The following TTC8 variants were observed in gnomAD, a reference collection of about 807,000 sequenced individuals.
TTC8 encodes tetratricopeptide repeat domain 8.
Under a neutral mutation model 72.5 loss-of-function variants are expected in TTC8, and 47 were observed. The ratio of observed to expected loss-of-function variants is 0.65; its 90% CI spans 0.51 to 0.83. The LOEUF is 0.83. Ranked by LOEUF, TTC8 falls within the 40% of genes least tolerant of loss-of-function variation. The probability of loss-of-function intolerance (pLI) is 0.00; values close to 1 mark genes in which losing one functional copy is unlikely to be tolerated. For missense variants in TTC8, 611 were observed against 623.2 expected, an observed-to-expected ratio of 0.98 and a Z score of 0.21; for synonymous variants, 199 against 221.4, an observed-to-expected ratio of 0.90 and a Z score of 0.90.
chr14:88,872,523 T>A (rs2094939042), intron 13 of TTC8, 71 bp downstream of exon 13: 11 of 1,597,772 alleles, frequency 6.9e-6, no homozygotes, highest in Non-Finnish European at 1.7e-6. Context: ...TGTGGTAGCA[T>A]TACAGCGTAT....
At chr14:88,870,942 C>T (rs778392053) in intron 11 of TTC8, among the ~76,000 whole-genome samples, 45 of 152,284 alleles carry the variant, frequency 3.0e-4, no homozygotes, top group Non-Finnish European at 2.6e-4. Context: ...TTTTCATTTG[C>T]TCATATGAAC....
At chr14:88,845,315 A>G (rs544019167) in intron 7 of TTC8, among the ~76,000 whole-genome samples, 1 of 152,310 alleles carries the variant, frequency 6.6e-6, no homozygotes, top group African/African-American at 2.4e-5. Flanking sequence ...ATTGGCAGAA[A>G]TGGGATAATT....
chr14:88,840,690 A>G, intron 3 of TTC8, 175 bp from the exon 4 acceptor site: 1 of 672,670 alleles, frequency 1.5e-6, no homozygotes, highest in Non-Finnish European at 2.7e-6. Flanking sequence ...TGATGACATA[A>G]GTAACATGAT....
intron 7 of TTC8, among the ~76,000 whole-genome samples, chr14:88,847,693 G>A (rs1304472760): frequency 1.1e-4 from 17 of 152,046 alleles, no homozygotes; most frequent in Admixed American, 1.1e-3. Flanking sequence ...CAATCACAAA[G>A]GAAAAAGACT....
At chr14:88,866,811 T>G (rs1271840504) in intron 10 of TTC8, among the ~76,000 whole-genome samples, 2 of 151,994 alleles carry the variant, frequency 1.3e-5, no homozygotes, top group African/African-American at 4.8e-5. Flanking sequence ...AGCCTCCAGC[T>G]CTCCTGTGTC....
At chr14:88,859,336 A>G (rs2094872683) in intron 9 of TTC8, among the ~76,000 whole-genome samples, 1 of 152,200 alleles carries the variant, frequency 6.6e-6, no homozygotes, top group African/African-American at 2.4e-5. Context: ...CTATACAGCC[A>G]TAAAAAAGAA....
At chr14:88,846,236 G>A (rs998942858) in intron 7 of TTC8, among the ~76,000 whole-genome samples, 3 of 152,064 alleles carry the variant, frequency 2.0e-5, no homozygotes, top group Admixed American at 6.6e-5. Context: ...TACTCTGGGA[G>A]GATCACCTGA....
At chr14:88,862,801 C>T (rs1286851486) in intron 10 of TTC8, among the ~76,000 whole-genome samples, 1 of 149,964 alleles carries the variant, frequency 6.7e-6, no homozygotes, top group East Asian at 2.0e-4. Context: ...AGGCTGGTCT[C>T]GAACTTCTGG....
Position 88,877,753 on chromosome 14 carries a change from A to G in TTC8, c.*343A>G, listed in dbSNP as rs2094963126. The G allele has an allele frequency of 5.2e-6, 1 of 191,468 alleles. No homozygotes were observed. Among genetic ancestry groups the G allele is most frequent in the East Asian group, 1.4e-4 (1 of 7,076 alleles). 11.9% of individuals were successfully genotyped at this position (191,468 alleles called of 1,614,324 possible). Reference sequence around the variant, plus strand: ...TAAATGTACATTTTTTAAGTCCTTAAGCTGACTCTTAGCCATCATGTAGCT... The same window carrying G: ...TAAATGTACATTTTTTAAGTCCTTAGGCTGACTCTTAGCCATCATGTAGCT... On this transcript the variant is annotated 3_prime_UTR_variant, in exon 15 of 15. Transcript: ENST00000380656.
chr14:88,854,329 T>C (rs975349368), intron 8 of TTC8, among the ~76,000 whole-genome samples: 1 of 152,222 alleles, frequency 6.6e-6, no homozygotes, highest in African/African-American at 2.4e-5. Context: ...TTCTGTTCTT[T>C]AATACCTGCC....
chr14:88,856,860 G>C (rs2094858346), intron 8 of TTC8, among the ~76,000 whole-genome samples: 1 of 152,104 alleles, frequency 6.6e-6, no homozygotes, highest in East Asian at 1.9e-4. Flanking sequence ...CATTTATTCA[G>C]GTCACTTGCC....
intron 10 of TTC8, among the ~76,000 whole-genome samples, chr14:88,862,107 A>C (rs901360920): frequency 6.6e-6 from 1 of 152,096 alleles, no homozygotes; most frequent in African/African-American, 2.4e-5. Context: ...ACAGTGTATG[A>C]GCATTCATTC....
Position 88,862,541 on chromosome 14 carries a change from C to CATATATATATAT in TTC8, c.909+1254_909+1265dup, listed in dbSNP as rs71130022. On this transcript the variant is annotated intron_variant, in intron 10 of 14. Transcript: ENST00000380656. Reference sequence around the variant, plus strand: ...ATTCCATTCTCTCTCTCTCTCTCTCCATATATATATATATATATATATATA... The same window carrying CATATATATATAT: ...ATTCCATTCTCTCTCTCTCTCTCTCCATATATATATATATATATATATATATATATATATATA... 6.7e-4 allele frequency among the ~76,000 whole-genome samples: 16 copies of CATATATATATAT among 23,810 alleles called. 1 individual carries two copies. Among genetic ancestry groups the CATATATATATAT allele is most frequent in the Admixed American group, 2.6e-3 (3 of 1,164 alleles). The allele number at this position is 23,810 out of a possible 152,430, so 15.6% of individuals were successfully genotyped here.
intron 10 of TTC8, among the ~76,000 whole-genome samples, chr14:88,863,455 C>T (rs2094897150): frequency 6.6e-6 from 1 of 152,168 alleles, no homozygotes; most frequent in Admixed American, 6.5e-5. Flanking sequence ...TGATGTCTAC[C>T]AGGGAAGCTC....
Position 88,855,527 on chromosome 14 carries a change from G to C in TTC8, c.711-1663G>C, listed in dbSNP as rs139649043. 4.5e-3 allele frequency among the ~76,000 whole-genome samples: 678 copies of C among 152,250 alleles called. 4 individuals carry two copies. The highest frequency in any genetic ancestry group is 6.5e-3 in the Non-Finnish European group (439 of 68,014). On this transcript the variant is annotated intron_variant, in intron 8 of 14. Transcript: ENST00000380656. Reference sequence around the variant, plus strand: ...GTATTAGATTAAGTTCTCTCTTAAGGCTGTAGTAATAAAGAACATGGTTCT... The same window carrying C: ...GTATTAGATTAAGTTCTCTCTTAAGCCTGTAGTAATAAAGAACATGGTTCT...
intron 6 of TTC8, among the ~76,000 whole-genome samples, chr14:88,843,192 G>T (rs2094790183): frequency 6.6e-6 from 1 of 152,050 alleles, no homozygotes; most frequent in Non-Finnish European, 1.5e-5. Context: ...TTATCTGAGG[G>T]CTTTAAAAAA....
At position 88,877,467 on chromosome 14, in the gene TTC8, C is replaced by T. The variant is rs74079414; in HGVS notation, c.*57C>T. On this transcript the variant is annotated 3_prime_UTR_variant, in exon 15 of 15. Transcript: ENST00000380656. The stretch of plus-strand genomic sequence containing the variant: ...GCAGCATTATGCAAGGGGAAAAAAG[C>T]ACTATGTCTGTGTATGTATGTATAT... The T allele has an allele frequency of 2.6e-3, 3,612 of 1,385,616 alleles. 54 individuals are homozygous for T. In the African/African-American group the frequency reaches 0.032, roughly 12 times the overall value. The allele number at this position is 1,385,616 out of a possible 1,614,324, so 85.8% of individuals were successfully genotyped here. A position where few individuals can be genotyped will look rare whatever the true frequency, so the allele number is the denominator to read the frequency against.
rs370326452 is a variant in TTC8 at position 88,824,827 on chromosome 14, G to C, written c.114+6G>C. The C allele has an allele frequency of 8.5e-5, 137 of 1,609,368 alleles. No individual in the cohort carries two copies. Among genetic ancestry groups the C allele is most frequent in the Non-Finnish European group, 1.1e-4 (127 of 1,177,174 alleles). On this transcript the variant is annotated splice_donor_region_variant and intron_variant, in intron 1 of 14. Coordinates refer to ENST00000380656, the MANE Select transcript of TTC8 (RefSeq NM_144596.4). ...AGAAGTCCCCTTATGACCAGGTACC[G>C]GCCAGCTCCCGTCAGCCTGTGCATC... is the stretch of plus-strand genomic sequence containing the variant.
intron 1 of TTC8, among the ~76,000 whole-genome samples, chr14:88,825,504 A>G (rs1331676038): frequency 6.6e-6 from 1 of 152,240 alleles, no homozygotes; most frequent in African/African-American, 2.4e-5. Context: ...AACTAGAGTA[A>G]TGTGTATAGC....
Sources: allele counts gnomAD v4.1 joint callset (sites outside exome capture counted in the v4.1 genomes callset), GRCh38; gene constraint gnomAD v4.1.1; transcripts MANE v1.5; gene names NCBI Gene and HGNC (gene_info 2026-07-23, HGNC 2026-07-21).